Variants in BABAM2 observed in about 807,000 individuals in gnomAD.
The protein encoded by BABAM2 is BRISC and BRCA1-A complex member 2.
In BABAM2, 31 loss-of-function variants were observed where a neutral mutation model predicts 54.7. That is an observed-to-expected ratio of 0.57 (90% CI 0.43 to 0.77). The LOEUF is 0.77. BABAM2 is among the 30% of genes least tolerant of loss of function. The probability of loss-of-function intolerance (pLI) is 0.00; values close to 1 mark genes in which losing one functional copy is unlikely to be tolerated. For synonymous variants in BABAM2, 167 were observed against 162.9 expected (o/e 1.03, Z -0.19); for missense variants, 364 against 455.8 (o/e 0.80, Z 1.83).
intron 7 of BABAM2, among the ~76,000 whole-genome samples, chr2:28,142,060 C>CTGT (rs10687326): frequency 0.25 from 37,249 of 151,902 alleles, 5,168 homozygotes; most frequent in Middle Eastern, 0.33. Context: ...GCTCTGTACA[C>CTGT]TGTTGTTGGA....
rs1286143542 is a variant in BABAM2, at chr2:28,237,862, A to T, written c.780+561A>T. 2.0e-5 allele frequency among the ~76,000 whole-genome samples: 3 copies of T among 150,848 alleles called. No individual in the cohort carries two copies. The East Asian group carries it at 5.9e-4, about 30-fold the overall frequency. ...CAAGTCAGCTGGTCTTTTTATTTTT[A>T]TTTTTTTTGAGACAGAGTCTCACTC... On this transcript the variant is annotated intron_variant, in intron 8 of 11. Coordinates refer to ENST00000379624, the MANE Select transcript of BABAM2 (RefSeq NM_199191.3).
intron 6 of BABAM2, among the ~76,000 whole-genome samples, chr2:28,066,933 T>G (rs1259672397): frequency 1.3e-5 from 2 of 152,190 alleles, no homozygotes; most frequent in Non-Finnish European, 2.9e-5. Context: ...GACATTTTAA[T>G]TTTATTTTGT....
chr2:27,998,983 T>C (rs1400840179), intron 4 of BABAM2, among the ~76,000 whole-genome samples: 1 of 152,174 alleles, frequency 6.6e-6, no homozygotes, highest in Non-Finnish European at 1.5e-5. Context: ...AAGGGAAATA[T>C]TGTAGCAAAT....
intron 3 of BABAM2, among the ~76,000 whole-genome samples, chr2:27,982,846 C>T (rs7577476): frequency 0.28 from 8,895 of 31,396 alleles, 263 homozygotes; most frequent in Middle Eastern, 0.39. Context: ...ATTATGTGTA[C>T]ACACACACAC....
At chr2:27,948,809 G>T (rs1036501278) in intron 3 of BABAM2, among the ~76,000 whole-genome samples, 1 of 152,070 alleles carries the variant, frequency 6.6e-6, no homozygotes, top group Admixed American at 6.6e-5. Context: ...AGATATTCTT[G>T]CCTTGTTCCA....
intron 7 of BABAM2, among the ~76,000 whole-genome samples, chr2:28,188,159 C>A (rs10211048): frequency 0.22 from 34,045 of 152,034 alleles, 3,963 homozygotes; most frequent in South Asian, 0.41. Context: ...ATGCCCGCCT[C>A]GTTCATTTGC....
chr2:28,208,365 G>A (rs1230022535), intron 7 of BABAM2, among the ~76,000 whole-genome samples: 2 of 152,180 alleles, frequency 1.3e-5, no homozygotes, highest in African/African-American at 4.8e-5. Context: ...AGCTCTGTAG[G>A]ACAGTGGTTT....
At chr2:28,227,045 A>G (rs578049545) in intron 7 of BABAM2, among the ~76,000 whole-genome samples, 1 of 152,254 alleles carries the variant, frequency 6.6e-6, no homozygotes, top group Non-Finnish European at 1.5e-5. Context: ...AGTTCAAGAA[A>G]GGCCTGAGCC....
chr2:27,935,583 T>C (rs1221677831), intron 3 of BABAM2, among the ~76,000 whole-genome samples: 1 of 152,244 alleles, frequency 6.6e-6, no homozygotes, highest in East Asian at 1.9e-4. Context: ...TTCATAAACT[T>C]AGTTGATAAA....
At chr2:28,152,155 A>G (rs1042593436) in intron 7 of BABAM2, among the ~76,000 whole-genome samples, 1 of 152,228 alleles carries the variant, frequency 6.6e-6, no homozygotes, top group Non-Finnish European at 1.5e-5. Flanking sequence ...AAAGAGCCAC[A>G]TCTGAAATTT....
intron 7 of BABAM2, among the ~76,000 whole-genome samples, chr2:28,203,673 A>T (rs1427081128): frequency 6.6e-6 from 1 of 152,080 alleles, no homozygotes; most frequent in African/African-American, 2.4e-5. Flanking sequence ...TACATAGGTG[A>T]TATACTAAGG....
intron 7 of BABAM2, among the ~76,000 whole-genome samples, chr2:28,168,806 T>A (rs1404005490): frequency 6.6e-6 from 1 of 152,208 alleles, no homozygotes; most frequent in African/African-American, 2.4e-5. Flanking sequence ...TCCCTTCATG[T>A]TCCATCTGGG....
intron 3 of BABAM2, among the ~76,000 whole-genome samples, chr2:27,931,508 G>A (rs78507186): frequency 0.051 from 7,816 of 152,166 alleles, 556 homozygotes; most frequent in African/African-American, 0.16. Flanking sequence ...GCATCAGCCT[G>A]TTTTCCCTAT....
chr2:27,950,945 A>G (rs1039235906), intron 3 of BABAM2, among the ~76,000 whole-genome samples: 3 of 152,130 alleles, frequency 2.0e-5, no homozygotes, highest in African/African-American at 7.2e-5. Context: ...AGTTTTTCAT[A>G]AATTTTTTTT....
intron 3 of BABAM2, among the ~76,000 whole-genome samples, chr2:27,946,306 A>AT (rs1414459952): frequency 1.3e-5 from 2 of 152,126 alleles, no homozygotes; most frequent in African/African-American, 4.8e-5. Context: ...AAATAAACTG[A>AT]TTTTCAAATG....
chr2:27,978,685 T>TA (rs1392131178), intron 3 of BABAM2, among the ~76,000 whole-genome samples: 32 of 152,330 alleles, frequency 2.1e-4, no homozygotes, highest in African/African-American at 7.2e-4. Context: ...GCAGGTTTGT[T>TA]ACGTGGGTAA....
chr2:28,265,207 C>A (rs181174790), intron 10 of BABAM2, among the ~76,000 whole-genome samples: 1 of 152,008 alleles, frequency 6.6e-6, no homozygotes, highest in Non-Finnish European at 1.5e-5. Flanking sequence ...GAGGCCGAGG[C>A]GGAGGATCAC....
At chr2:28,219,980 G>A (rs1033786175) in intron 7 of BABAM2, among the ~76,000 whole-genome samples, 9 of 152,214 alleles carry the variant, frequency 5.9e-5, no homozygotes, top group African/African-American at 2.2e-4. Context: ...GCTGTTTCCT[G>A]AATTTTGTCC....
rs149808037 is a variant in BABAM2 at position 28,337,462 on chromosome 2, A to G, written c.1089-988A>G. Among the ~76,000 whole-genome samples, 710 of 152,276 alleles carry G rather than the reference A, an allele frequency of 4.7e-3. 4 individuals are homozygous for G. Among genetic ancestry groups the G allele is most frequent in the Middle Eastern group, 0.027 (8 of 294 alleles). Reference sequence around the variant, plus strand: ...CACCCCGCCACCCCTGATGCCTTGTACAGTGCCTGACACAGTGTGGGCTCG... The same window carrying G: ...CACCCCGCCACCCCTGATGCCTTGTGCAGTGCCTGACACAGTGTGGGCTCG... On this transcript the variant is annotated intron_variant, in intron 11 of 11. Coordinates refer to ENST00000379624, the MANE Select transcript of BABAM2 (RefSeq NM_199191.3).
Sources: gnomAD v4.1 joint callset for allele counts (sites outside exome capture counted in the v4.1 genomes callset) on GRCh38, gnomAD v4.1.1 for gene constraint, MANE v1.5 for transcripts, NCBI Gene and HGNC (gene_info 2026-07-23, HGNC 2026-07-21) for gene names.